CYP27C1: variants seen among roughly 807,000 people sequenced by gnomAD.
The protein encoded by CYP27C1 is cytochrome P450 27C1.
A neutral mutation model predicts 40.6 loss-of-function variants in CYP27C1; 29 were observed. That is an observed-to-expected ratio of 0.71 (90% confidence interval 0.53 to 0.97). The LOEUF (loss-of-function observed/expected upper bound fraction) is 0.97, where lower values mean the gene tolerates loss of function less well. Among genes scored for constraint, CYP27C1 ranks in the 50% least tolerant of loss-of-function variants. The pLI is 0.00. For synonymous variants in CYP27C1, 198 were observed against 186.8 expected, an observed-to-expected ratio of 1.06 and a Z score of -0.49; for missense variants, 390 against 485.8, an observed-to-expected ratio of 0.80 and a Z score of 1.85.
chr2:127,195,596 C>A lies in CYP27C1; in HGVS notation c.1048-95G>T. ...AGGTAGGAAGTCCCCTGGGAATACA[C>A]ACAGCACAAAGTCAAACTCATCCAA... On this transcript the variant is annotated intron_variant, in intron 5 of 8. Coordinates refer to ENST00000664447, the MANE Select transcript of CYP27C1 (RefSeq NM_001367502.1). The surrounding 1 kb of genome is among the most constrained non-coding windows in gnomAD (Gnocchi z 6.2). The A allele has an allele frequency of 7.6e-7, 1 of 1,321,210 alleles. No individual in the cohort carries two copies. Among genetic ancestry groups the A allele is most frequent in the Non-Finnish European group, 1.0e-6 (1 of 956,344 alleles). The allele number at this position is 1,321,210 out of a possible 1,614,324, so 81.8% of individuals were successfully genotyped here. A position where few individuals can be genotyped will look rare whatever the true frequency, so the allele number is the denominator to read the frequency against.
chr2:127,187,146 C>A lies in CYP27C1; in HGVS notation c.*125G>T. ...TACAAGTGTCCCAGGACCTGGGAGG[C>A]CAGTCTATAACAAGACAGCCTTTAG... On this transcript the variant is annotated 3_prime_UTR_variant, in exon 9 of 9. Transcript: ENST00000664447. 1 of 767,236 alleles carries A rather than the reference C, an allele frequency of 1.3e-6. No homozygotes were observed. The highest frequency in any genetic ancestry group is 1.8e-5 in the South Asian group (1 of 56,676). 47.5% of individuals were successfully genotyped at this position (767,236 alleles called of 1,614,324 possible). A position where few individuals can be genotyped will look rare whatever the true frequency, so the allele number is the denominator to read the frequency against.
chr2:127,193,817 A>C lies in CYP27C1; in HGVS notation c.1265T>G (p.Val422Gly). Residue 422 changes from valine to glycine, a missense_variant, in exon 7 of 9, where the codon GTT becomes GGT. By Grantham distance (109) the Val-to-Gly change is moderately radical (BLOSUM62 -3). Coordinates refer to ENST00000664447, the MANE Select transcript of CYP27C1 (RefSeq NM_001367502.1). Reference protein sequence around the residue: ...GNGRVTQEDLVIGGYLIPKGT... With the variant: ...GNGRVTQEDLGIGGYLIPKGT... ...TTTCGGAATCAGATACCCGCCAATA[A>C]CCAGGTCTTCCTGGGTGACCCGGCC... 6.2e-7 allele frequency: 1 copy of C among 1,614,118 alleles called. No homozygotes were observed. Among genetic ancestry groups the C allele is most frequent in the East Asian group, 2.2e-5 (1 of 44,878 alleles).
rs1682897365 is a variant in CYP27C1 at position 127,196,078 on chromosome 2, T to G, written c.1048-577A>C. Among the ~76,000 whole-genome samples, 1 of 151,758 alleles carries G rather than the reference T, an allele frequency of 6.6e-6. No homozygotes were observed. Among genetic ancestry groups the G allele is most frequent in the Non-Finnish European group, 1.5e-5 (1 of 67,970 alleles). Reference sequence around the variant, plus strand: ...GCAAAGCAGTGTCTTTTTTTTTTTTTTTGAGACGGAGTCTCGCTCTGTCGC... The same window carrying G: ...GCAAAGCAGTGTCTTTTTTTTTTTTGTTGAGACGGAGTCTCGCTCTGTCGC... On this transcript the variant is annotated intron_variant, in intron 5 of 8. Transcript: ENST00000664447. The surrounding 1 kb of genome is among the most constrained non-coding windows in gnomAD (Gnocchi z 4.5).
chr2:127,202,600 G>C (rs1417738236), intron 3 of CYP27C1, among the ~76,000 whole-genome samples: 1 of 152,190 alleles, frequency 6.6e-6, no homozygotes, highest in Non-Finnish European at 1.5e-5. Flanking sequence ...TCAGGAAAGA[G>C]GGAGACCTTC....
chr2:127,188,908 G>C (rs1338542426), intron 8 of CYP27C1, among the ~76,000 whole-genome samples: 1 of 152,162 alleles, frequency 6.6e-6, no homozygotes, highest in Non-Finnish European at 1.5e-5. Flanking sequence ...TTAAAGAAAT[G>C]AGCTGAACAG....
intron 8 of CYP27C1, among the ~76,000 whole-genome samples, chr2:127,190,342 C>CTTTTTTTTT (rs1241035422): frequency 2.1e-5 from 2 of 96,642 alleles, no homozygotes; most frequent in African/African-American, 8.5e-5. Flanking sequence ...TTTTTTTTTT[C>CTTTTTTTTT]TTTTTTTTTT....
intron 1 of CYP27C1, among the ~76,000 whole-genome samples, chr2:127,207,443 G>A (rs532916964): frequency 2.0e-4 from 30 of 152,172 alleles, no homozygotes; most frequent in East Asian, 3.9e-4. Flanking sequence ...GCAGTGAGCC[G>A]CAAGACTGCG....
At position 127,201,917 on chromosome 2, in the gene CYP27C1, G is replaced by A. The variant is rs768656523; in HGVS notation, c.674-586C>T. ...AGTGGCCTGGATGAATCCGTGTCGG[G>A]CAGAGCTGTGAACTGTATTTACCAA... On this transcript the variant is annotated intron_variant, in intron 3 of 8. Transcript: ENST00000664447. This position sits in a 1 kb window ranked among gnomAD's most constrained non-coding sequence, Gnocchi z 6.0. Among the ~76,000 whole-genome samples, 3 of 152,170 alleles carry A rather than the reference G, an allele frequency of 2.0e-5. No homozygotes were observed. Among genetic ancestry groups the A allele is most frequent in the Non-Finnish European group, 4.4e-5 (3 of 68,042 alleles).
chr2:127,212,809 T>C (rs2404531), intron 1 of CYP27C1, among the ~76,000 whole-genome samples: 97,195 of 152,034 alleles, frequency 0.64, 31,877 homozygotes, highest in East Asian at 0.91. Flanking sequence ...ATTGGAAGTT[T>C]TGGCCAGGGC....
chr2:127,218,989 C>A lies in CYP27C1; in HGVS notation c.282+1000G>T, dbSNP rs1558936151. Reference sequence around the variant, plus strand: ...GAATTCGCCGGCCCCAACGCCCTAGCGGGTGGCTGGGACCCCTGGGTTCCT... The same window carrying A: ...GAATTCGCCGGCCCCAACGCCCTAGAGGGTGGCTGGGACCCCTGGGTTCCT... On this transcript the variant is annotated intron_variant, in intron 1 of 8. Transcript: ENST00000664447. This position sits in a 1 kb window ranked among gnomAD's most constrained non-coding sequence, Gnocchi z 6.0. 6.6e-6 allele frequency among the ~76,000 whole-genome samples: 1 copy of A among 152,100 alleles called. No individual in the cohort carries two copies. Among genetic ancestry groups the A allele is most frequent in the Non-Finnish European group, 1.5e-5 (1 of 67,996 alleles).
intron 1 of CYP27C1, among the ~76,000 whole-genome samples, chr2:127,211,361 GT>G (rs1156982574): frequency 2.9e-5 from 3 of 103,638 alleles, no homozygotes; most frequent in Non-Finnish European, 5.7e-5. Context: ...CTAAAGCAGT[GT>G]TTTTTTGTTT....
chr2:127,207,492 A>G (rs1683251542), intron 1 of CYP27C1, among the ~76,000 whole-genome samples: 1 of 152,084 alleles, frequency 6.6e-6, no homozygotes, highest in South Asian at 2.1e-4. Flanking sequence ...GTGAAATTCT[A>G]TCTCAAAAAA....
At position 127,193,881 on chromosome 2, in the gene CYP27C1, A is replaced by AAT. The variant is rs754337533; in HGVS notation, c.1215-15_1215-14insAT. 6.2e-7 allele frequency: 1 copy of AAT among 1,614,132 alleles called. No homozygotes were observed. The highest frequency in any genetic ancestry group is 1.7e-5 in the Admixed American group (1 of 60,020). ...ACTGGAAACAGCCTGGAAAAGAGCC[A>AAT]GCGGGGACGGGAATGGCGTGGTGAC... On this transcript the variant is annotated splice_polypyrimidine_tract_variant and intron_variant, in intron 6 of 8. Transcript: ENST00000664447.
chr2:127,188,321 C>T (rs1682681601), intron 8 of CYP27C1, among the ~76,000 whole-genome samples: 1 of 152,178 alleles, frequency 6.6e-6, no homozygotes, highest in Admixed American at 6.5e-5. Context: ...CTCTCTGCAG[C>T]CTCAACCTCC....
At chr2:127,210,063 A>T (rs912254231) in intron 1 of CYP27C1, among the ~76,000 whole-genome samples, 47 of 152,346 alleles carry the variant, frequency 3.1e-4, no homozygotes, top group African/African-American at 1.0e-3. Context: ...ACACATAGTC[A>T]TCAGATTCTT....
rs1487840617 is a variant in CYP27C1 at position 127,201,295 on chromosome 2, C to T, written c.710G>A (p.Cys237Tyr). The change falls in exon 4 of 9, where the codon TGC becomes TAC. Residue 237 changes from cysteine to tyrosine, a missense_variant. By Grantham distance (194) the Cys-to-Tyr change is radical. Coordinates refer to ENST00000664447, the MANE Select transcript of CYP27C1 (RefSeq NM_001367502.1). The surrounding 1 kb of genome is among the most constrained non-coding windows in gnomAD (Gnocchi z 6.0). ...CAGCTGTGGGATGCTGTTTTCCAGG[C>T]AGCCCAAACGACTCTCATAAAGGAT... is the stretch of plus-strand genomic sequence containing the variant. ...ATILYESRLG[C>Y]LENSIPQLTV... 1.9e-6 allele frequency: 3 copies of T among 1,613,950 alleles called. No individual in the cohort carries two copies. The highest frequency in any genetic ancestry group is 2.5e-6 in the Non-Finnish European group (3 of 1,180,000).
intron 8 of CYP27C1, among the ~76,000 whole-genome samples, chr2:127,188,534 G>A (rs1443448322): frequency 6.6e-6 from 1 of 152,022 alleles, no homozygotes; most frequent in Non-Finnish European, 1.5e-5. Context: ...CACCACTCTC[G>A]GCCTCTAACA....
intron 5 of CYP27C1, among the ~76,000 whole-genome samples, chr2:127,198,894 C>T (rs966179044): frequency 6.6e-5 from 10 of 152,196 alleles, no homozygotes; most frequent in African/African-American, 9.7e-5. Context: ...TTAAGTGAGG[C>T]GTGACTGCAT....
intron 1 of CYP27C1, among the ~76,000 whole-genome samples, chr2:127,215,541 T>G (rs1683415684): frequency 1.3e-5 from 2 of 152,034 alleles, no homozygotes; most frequent in Admixed American, 6.6e-5. Flanking sequence ...TCATCAAAAT[T>G]TAAAACTTTT....
Sources: gnomAD v4.1 joint callset for allele counts (sites outside exome capture counted in the v4.1 genomes callset) on GRCh38, gnomAD v4.1.1 for gene constraint, Gnocchi (gnomAD v3.1) non-coding constraint, MANE v1.5 for transcripts, NCBI Gene and HGNC (gene_info 2026-07-23, HGNC 2026-07-21) for gene names.